Variants in EPHB2 observed in about 807,000 individuals in gnomAD.
The protein encoded by EPHB2 is EPH receptor B2, also known as ephrin type-B receptor 2.
EPHB2 carries 18 observed loss-of-function variants against 96.4 expected under a neutral mutation model. The observed-to-expected ratio is 0.19, with a 90% CI of 0.13 to 0.28. The LOEUF (loss-of-function observed/expected upper bound fraction) is 0.28. Ranked by LOEUF, EPHB2 falls within the 10% of genes least tolerant of loss-of-function variation. EPHB2 has a pLI of 1.00. For missense variants in EPHB2, 989 were observed against 1,355.4 expected (o/e 0.73, Z 4.25); for synonymous variants, 506 against 534.1 (o/e 0.95, Z 0.72).
At chr1:22,718,957 G>A (rs949791720) in intron 1 of EPHB2, among the ~76,000 whole-genome samples, 1 of 152,100 alleles carries the variant, frequency 6.6e-6, no homozygotes, top group East Asian at 1.9e-4. Context: ...TCTGATGAGG[G>A]TCTCTAAGGC....
chr1:22,902,782 C>T (rs945647209), intron 9 of EPHB2, among the ~76,000 whole-genome samples: 1 of 152,020 alleles, frequency 6.6e-6, no homozygotes, highest in Admixed American at 6.5e-5. Context: ...CTGGGAACCC[C>T]GGTACAAGGT....
At chr1:22,800,764 T>C (rs367605448) in intron 3 of EPHB2, among the ~76,000 whole-genome samples, 3,775 of 128,898 alleles carry the variant, frequency 0.029, 170 homozygotes, top group African/African-American at 0.1. Flanking sequence ...TGTGTGCGTG[T>C]GTATGTGACA....
rs1446835609 is a variant in EPHB2, at chr1:22,918,944, A to G, written c.*5374A>G. On this transcript the variant is annotated 3_prime_UTR_variant, in exon 16 of 16. Transcript: ENST00000374630. The surrounding 1 kb of genome is among the most constrained non-coding windows in gnomAD (Gnocchi z 4.2). ...ATTCCCAGAAGATTCCAACCAGGCC[A>G]TCTGTCTGTAGTCCTTCCTTCCCAC... 6.6e-6 allele frequency: 1 copy of G among 152,216 alleles called. No individual in the cohort carries two copies. The highest frequency in any genetic ancestry group is 2.4e-5 in the African/African-American group (1 of 41,462). 9.4% of individuals were successfully genotyped at this position (152,216 alleles called of 1,614,324 possible).
chr1:22,844,051 T>C (rs993003127), intron 3 of EPHB2, among the ~76,000 whole-genome samples: 1 of 152,232 alleles, frequency 6.6e-6, no homozygotes, highest in Non-Finnish European at 1.5e-5. Flanking sequence ...CTACTGTTCA[T>C]GGACATTTAG....
chr1:22,813,651 G>A (rs1267980721), intron 3 of EPHB2, among the ~76,000 whole-genome samples: 1 of 152,234 alleles, frequency 6.6e-6, no homozygotes, highest in Non-Finnish European at 1.5e-5. Flanking sequence ...AAGTGTCCCA[G>A]ATGAAGCATC....
At position 22,784,107 on chromosome 1, in the gene EPHB2, C is replaced by T. The variant is rs1644573422; in HGVS notation, c.127-285C>T. Among the ~76,000 whole-genome samples, 1 of 152,164 alleles carries T rather than the reference C, an allele frequency of 6.6e-6. No homozygotes were observed. Among genetic ancestry groups the T allele is most frequent in the South Asian group, 2.1e-4 (1 of 4,824 alleles). On this transcript the variant is annotated intron_variant, in intron 2 of 15. Coordinates refer to ENST00000374630, the MANE Select transcript of EPHB2 (RefSeq NM_017449.5). This position sits in a 1 kb window ranked among gnomAD's most constrained non-coding sequence, Gnocchi z 5.1. ...GAAGGGTTCTCCCTATTTTCCCCTT[C>T]CAGGTGGGAACTTCCTGGCCAGGGT...
intron 3 of EPHB2, among the ~76,000 whole-genome samples, chr1:22,813,659 A>G (rs1485034349): frequency 6.6e-6 from 1 of 152,238 alleles, no homozygotes; most frequent in African/African-American, 2.4e-5. Flanking sequence ...CAGATGAAGC[A>G]TCACTGTCCA....
At chr1:22,750,587 C>T (rs1178226558) in intron 1 of EPHB2, among the ~76,000 whole-genome samples, 1 of 152,214 alleles carries the variant, frequency 6.6e-6, no homozygotes, top group East Asian at 1.9e-4. Flanking sequence ...GCCAGCATGT[C>T]TCTAACACCT....
At chr1:22,848,976 A>G (rs997450108) in intron 3 of EPHB2, among the ~76,000 whole-genome samples, 1 of 152,120 alleles carries the variant, frequency 6.6e-6, no homozygotes, top group Non-Finnish European at 1.5e-5. Context: ...TCTCATCTGT[A>G]CAATGGGGGT....
At chr1:22,740,101 G>A (rs1643885424) in intron 1 of EPHB2, among the ~76,000 whole-genome samples, 2 of 152,138 alleles carry the variant, frequency 1.3e-5, no homozygotes, top group East Asian at 1.9e-4. Flanking sequence ...TGAGCCCTTC[G>A]TTGCTTCCTT....
intron 8 of EPHB2, 51 bp from the exon 9 acceptor site, chr1:22,896,362 AG>A (rs1557742470): frequency 4.3e-6 from 7 of 1,612,940 alleles, no homozygotes; most frequent in Middle Eastern, 1.6e-4. Context: ...TGTGGCTCCC[AG>A]CTCCCTGGGC....
At chr1:22,727,678 A>G (rs1304489519) in intron 1 of EPHB2, among the ~76,000 whole-genome samples, 1 of 151,600 alleles carries the variant, frequency 6.6e-6, no homozygotes, top group Non-Finnish European at 1.5e-5. Context: ...AACTCCTTCC[A>G]AGGGAGATAA....
rs929616380 is a variant in EPHB2 at position 22,733,449 on chromosome 1, A to G, written c.61+22406A>G. ...AAGTCACACAGTGATGAGTGATGAT[A>G]TGAATGATGAAAATATTAGCGTTAT... On this transcript the variant is annotated intron_variant, in intron 1 of 15. Transcript: ENST00000374630. This position sits in a 1 kb window ranked among gnomAD's most constrained non-coding sequence, Gnocchi z 4.6. Among the ~76,000 whole-genome samples, 14 of 152,228 alleles carry G rather than the reference A, an allele frequency of 9.2e-5. No homozygotes were observed. Among genetic ancestry groups the G allele is most frequent in the Admixed American group, 6.5e-5 (1 of 15,288 alleles).
chr1:22,822,724 C>T (rs1392688126), intron 3 of EPHB2, among the ~76,000 whole-genome samples: 1 of 152,240 alleles, frequency 6.6e-6, no homozygotes, highest in Non-Finnish European at 1.5e-5. Context: ...GCATCTGGGC[C>T]AGAGCCTGGA....
intron 3 of EPHB2, among the ~76,000 whole-genome samples, chr1:22,821,206 C>T (rs1263500911): frequency 6.6e-6 from 1 of 152,188 alleles, no homozygotes; most frequent in Non-Finnish European, 1.5e-5. Context: ...CCAGAAATTG[C>T]AGCTACCATT....
intron 6 of EPHB2, among the ~76,000 whole-genome samples, chr1:22,891,611 T>C (rs1226253008): frequency 2.0e-5 from 3 of 152,150 alleles, no homozygotes; most frequent in Non-Finnish European, 4.4e-5. Context: ...ACATCTCCAC[T>C]CCCACTGCAG....
intron 3 of EPHB2, among the ~76,000 whole-genome samples, chr1:22,861,799 CT>C (rs150242329): frequency 0.014 from 2,126 of 152,168 alleles, 49 homozygotes; most frequent in African/African-American, 0.049. Context: ...AAAAAATGAA[CT>C]AGGGAAATTT....
intron 3 of EPHB2, among the ~76,000 whole-genome samples, chr1:22,801,063 G>A (rs1644836267): frequency 6.6e-6 from 1 of 152,206 alleles, no homozygotes; most frequent in Admixed American, 6.5e-5. Context: ...GGGGTACAGG[G>A]GGCAGGCTCC....
intron 3 of EPHB2, among the ~76,000 whole-genome samples, chr1:22,826,505 C>T (rs188965509): frequency 6.6e-6 from 1 of 152,346 alleles, no homozygotes; most frequent in East Asian, 1.9e-4. Flanking sequence ...CAACACTTCT[C>T]TCCCAGTGAT....
Sources: gnomAD v4.1 joint callset for allele counts (sites outside exome capture counted in the v4.1 genomes callset) on GRCh38, gnomAD v4.1.1 for gene constraint, Gnocchi (gnomAD v3.1) non-coding constraint, MANE v1.5 for transcripts, NCBI Gene and HGNC (gene_info 2026-07-23, HGNC 2026-07-21) for gene names.